PACRG: variants seen among roughly 807,000 people sequenced by gnomAD.
The protein encoded by PACRG is parkin coregulated, also known as parkin coregulated gene protein.
PACRG carries 29 observed loss-of-function variants against 29.7 expected under a neutral mutation model. The ratio of observed to expected loss-of-function variants is 0.98; its 90% confidence interval spans 0.73 to 1.33. PACRG has a LOEUF of 1.33. PACRG is among the 40% of genes most tolerant of loss of function. The probability of loss-of-function intolerance (pLI) is 0.00; values close to 1 mark genes in which losing one functional copy is unlikely to be tolerated. For synonymous variants in PACRG, 116 were observed against 118.7 expected (o/e 0.98, Z 0.15); for missense variants, 279 against 316.2 (o/e 0.88, Z 0.89).
intron 2 of PACRG, among the ~76,000 whole-genome samples, chr6:162,952,985 A>T (rs1360106121): frequency 6.6e-6 from 1 of 152,236 alleles, no homozygotes; most frequent in East Asian, 1.9e-4. Context: ...ATATATAAAA[A>T]AATCTCCATG....
intron 2 of PACRG, among the ~76,000 whole-genome samples, chr6:162,977,035 T>G (rs534377243): frequency 6.6e-6 from 1 of 152,008 alleles, no homozygotes; most frequent in African/African-American, 2.4e-5. Flanking sequence ...CTTGCAGGAC[T>G]TGAGTAAATG....
intron 4 of PACRG, among the ~76,000 whole-genome samples, chr6:163,193,308 G>A (rs1780300758): frequency 6.6e-6 from 1 of 152,188 alleles, no homozygotes; most frequent in Admixed American, 6.5e-5. Context: ...ATGGGTGTCA[G>A]TCTTTCAAAT....
intron 1 of PACRG, among the ~76,000 whole-genome samples, chr6:162,784,797 C>T (rs1189083042): frequency 1.3e-5 from 2 of 152,148 alleles, no homozygotes; most frequent in Non-Finnish European, 2.9e-5. Flanking sequence ...CTTGAAAAGG[C>T]TCAGAATGAT....
intron 4 of PACRG, among the ~76,000 whole-genome samples, chr6:163,194,598 G>A (rs1780363985): frequency 6.6e-6 from 1 of 152,212 alleles, no homozygotes; most frequent in Non-Finnish European, 1.5e-5. Flanking sequence ...TAGATAGGGT[G>A]CAGCCGGGGT....
intron 2 of PACRG, among the ~76,000 whole-genome samples, chr6:162,895,455 T>C (rs1795099072): frequency 6.6e-6 from 1 of 152,176 alleles, no homozygotes; most frequent in African/African-American, 2.4e-5. Flanking sequence ...ATATAGGGAA[T>C]GTTAACTAAT....
chr6:163,024,748 G>T (rs991798931), intron 2 of PACRG, among the ~76,000 whole-genome samples: 5 of 151,892 alleles, frequency 3.3e-5, no homozygotes, highest in Non-Finnish European at 7.4e-5. Context: ...GTGTCTTATA[G>T]TTCTCCTTGT....
intron 2 of PACRG, among the ~76,000 whole-genome samples, chr6:162,937,199 C>T (rs929780489): frequency 2.6e-5 from 4 of 152,030 alleles, no homozygotes; most frequent in Admixed American, 6.6e-5. Context: ...ATATGAATCA[C>T]GTATTATTTT....
chr6:162,836,707 A>G (rs1789258251), intron 2 of PACRG, among the ~76,000 whole-genome samples: 1 of 150,966 alleles, frequency 6.6e-6, no homozygotes, highest in African/African-American at 2.4e-5. Flanking sequence ...TGTTTTTTGT[A>G]TTTTTCATTT....
At chr6:163,027,344 G>A (rs528011074) in intron 2 of PACRG, among the ~76,000 whole-genome samples, 2 of 152,114 alleles carry the variant, frequency 1.3e-5, no homozygotes, top group East Asian at 1.9e-4. Context: ...GTACAATATT[G>A]CGTTCATTAC....
chr6:163,148,342 T>C lies in PACRG; in HGVS notation c.613+58934T>C, dbSNP rs903895086. On this transcript the variant is annotated intron_variant, in intron 4 of 4. Transcript: ENST00000366888. ...TTTTTACATTTTTTTCATTGAATAA[T>C]TCATTTAAATTTGATATACAAAGGG... 2.0e-5 allele frequency among the ~76,000 whole-genome samples: 3 copies of C among 152,168 alleles called. No individual in the cohort carries two copies. The South Asian group carries it at 6.2e-4, about 31-fold the overall frequency.
chr6:163,121,427 T>C (rs1006274664), intron 4 of PACRG, among the ~76,000 whole-genome samples: 1 of 152,166 alleles, frequency 6.6e-6, no homozygotes, highest in Admixed American at 6.5e-5. Flanking sequence ...ACCTCGGGGC[T>C]TCTGTGATGC....
At position 162,752,219 on chromosome 6, in the gene PACRG, G is replaced by A. The variant is rs147389887; in HGVS notation, c.156+23828G>A. 2.7e-3 allele frequency among the ~76,000 whole-genome samples: 412 copies of A among 152,108 alleles called. 3 individuals are homozygous for A. The highest frequency in any genetic ancestry group is 9.3e-3 in the African/African-American group (385 of 41,522). On this transcript the variant is annotated intron_variant, in intron 1 of 4. Coordinates refer to ENST00000366888, the MANE Select transcript of PACRG (RefSeq NM_001080379.2). ...CACATACACACACATGCACACACACGCAAAGCAATATTATGCATTTTACTG... is the reference window on the plus strand; with the variant it reads ...CACATACACACACATGCACACACACACAAAGCAATATTATGCATTTTACTG...
At position 163,069,294 on chromosome 6, in the gene PACRG, A is replaced by T. The variant is rs1024877885; in HGVS notation, c.463+6973A>T. On this transcript the variant is annotated intron_variant, in intron 3 of 4. Transcript: ENST00000366888. ...GAAAACATGAACTCACCAAAAAAAA[A>T]AAAAAAAAAGTAAGTTAGTTACCAG... Among the ~76,000 whole-genome samples the T allele has an allele frequency of 3.3e-5, 5 of 152,108 alleles. No individual in the cohort carries two copies. In the East Asian group the frequency reaches 9.6e-4, roughly 29 times the overall value.
intron 2 of PACRG, among the ~76,000 whole-genome samples, chr6:163,024,782 C>T (rs1196291014): frequency 6.6e-6 from 1 of 151,964 alleles, no homozygotes; most frequent in African/African-American, 2.4e-5. Context: ...CTCAAGAAAA[C>T]ATCAGACAAA....
intron 4 of PACRG, chr6:163,101,292 C>G: frequency 1.0e-6 from 1 of 982,730 alleles, no homozygotes; most frequent in Non-Finnish European, 1.2e-6. Context: ...AGGATTATTG[C>G]CTGGTAATTT....
At position 163,181,782 on chromosome 6, in the gene PACRG, A is replaced by G. The variant is rs2403; in HGVS notation, c.613+92374A>G. On this transcript the variant is annotated intron_variant, in intron 4 of 4. Transcript: ENST00000366888. ...ATAAATGTGTTTTAACTCACGGGGA[A>G]AAAGTCCAGCATACCGTAAAACCTG... Among the ~76,000 whole-genome samples, 1,071 of 152,220 alleles carry G rather than the reference A, an allele frequency of 7.0e-3. 4 individuals carry two copies. Among genetic ancestry groups the G allele is most frequent in the Middle Eastern group, 0.038 (11 of 292 alleles).
chr6:162,873,884 A>C (rs1046504224), intron 2 of PACRG, among the ~76,000 whole-genome samples: 3 of 152,310 alleles, frequency 2.0e-5, no homozygotes, highest in Admixed American at 2.0e-4. Flanking sequence ...CAAATGGAAG[A>C]GCCAAATAAC....
intron 4 of PACRG, among the ~76,000 whole-genome samples, chr6:163,199,162 ACATGAT>A (rs1219463457): frequency 6.6e-6 from 1 of 152,148 alleles, no homozygotes; most frequent in East Asian, 1.9e-4. Context: ...TTTTCCTTTC[ACATGAT>A]CATGTACGGA....
chr6:163,003,656 G>C (rs111630800), intron 2 of PACRG, among the ~76,000 whole-genome samples: 1 of 151,464 alleles, frequency 6.6e-6, no homozygotes, highest in African/African-American at 2.4e-5. Context: ...GAATTTTTTG[G>C]CTTATCAACA....
Sources: gnomAD v4.1 joint callset for allele counts (sites outside exome capture counted in the v4.1 genomes callset) on GRCh38, gnomAD v4.1.1 for gene constraint, MANE v1.5 for transcripts, NCBI Gene and HGNC (gene_info 2026-07-23, HGNC 2026-07-21) for gene names.